The following KLF12 variants were observed in gnomAD, a reference collection of about 807,000 sequenced individuals.
The protein encoded by KLF12 is Krueppel-like factor 12.
Under a neutral mutation model 37.8 loss-of-function variants are expected in KLF12, and 9 were observed. That is an observed-to-expected ratio of 0.24 (90% CI 0.14 to 0.42). KLF12 has a LOEUF of 0.42. KLF12 is among the 10% of genes least tolerant of loss of function. KLF12 has a pLI of 1.00. For missense variants in KLF12, 411 were observed against 516.0 expected (o/e 0.80, Z 1.97); for synonymous variants, 208 against 202.1 (o/e 1.03, Z -0.25).
chr13:73,949,427 A>G (rs930274769), intron 2 of KLF12, among the ~76,000 whole-genome samples: 4 of 152,188 alleles, frequency 2.6e-5, no homozygotes, highest in Admixed American at 2.0e-4. Context: ...AAAGCTATTA[A>G]TATTTTTTTT....
the KLF12 span, among the ~76,000 whole-genome samples, chr13:74,269,173 C>A: frequency 6.6e-6 from 1 of 152,074 alleles, no homozygotes; most frequent in Non-Finnish European, 1.5e-5. Context: ...AGCTTTTGTG[C>A]CGGCTGATGG....
intron 4 of KLF12, among the ~76,000 whole-genome samples, chr13:73,835,297 C>T (rs890269618): frequency 6.6e-6 from 1 of 152,046 alleles, no homozygotes; most frequent in East Asian, 1.9e-4. Flanking sequence ...ACCTAGAGTT[C>T]TCGTGTCTTT....
At chr13:73,838,471 AG>A (rs950562526) in intron 4 of KLF12, among the ~76,000 whole-genome samples, 4 of 152,220 alleles carry the variant, frequency 2.6e-5, no homozygotes, top group African/African-American at 9.6e-5. Context: ...AAATTGGATT[AG>A]TTTCTTAACA....
chr13:73,719,588 C>A (rs527269505), intron 6 of KLF12, among the ~76,000 whole-genome samples: 2 of 151,776 alleles, frequency 1.3e-5, no homozygotes, highest in African/African-American at 4.8e-5. Flanking sequence ...CACACTCCTA[C>A]GCCCATTTCC....
chr13:73,824,832 C>T (rs113386601), intron 4 of KLF12, among the ~76,000 whole-genome samples: 30,259 of 152,074 alleles, frequency 0.2, 3,692 homozygotes, highest in East Asian at 0.47. Flanking sequence ...CTTTGAGAGG[C>T]TGAGGCAGGT....
chr13:74,216,989 T>C, the KLF12 span, among the ~76,000 whole-genome samples: 2 of 152,224 alleles, frequency 1.3e-5, no homozygotes, highest in Non-Finnish European at 2.9e-5. Flanking sequence ...ATTTCTTCCA[T>C]ATCCCCCAGG....
chr13:74,131,129 G>C (rs1878241655), intron 1 of KLF12, among the ~76,000 whole-genome samples: 1 of 152,202 alleles, frequency 6.6e-6, no homozygotes, highest in Non-Finnish European at 1.5e-5. Flanking sequence ...TCTCTGCAGA[G>C]ATAAAACACA....
At chr13:73,943,329 C>T (rs963032095) in intron 3 of KLF12, among the ~76,000 whole-genome samples, 1 of 152,178 alleles carries the variant, frequency 6.6e-6, no homozygotes, top group African/African-American at 2.4e-5. Flanking sequence ...TGCACTTATG[C>T]TCTTAACTAA....
At chr13:73,926,882 T>C (rs757697920) in intron 3 of KLF12, among the ~76,000 whole-genome samples, 1 of 151,824 alleles carries the variant, frequency 6.6e-6, no homozygotes, top group Non-Finnish European at 1.5e-5. Flanking sequence ...ATTCACCCCA[T>C]TTTAGAAGAC....
chr13:74,285,749 G>C, the KLF12 span, among the ~76,000 whole-genome samples: 1 of 152,158 alleles, frequency 6.6e-6, no homozygotes, highest in African/African-American at 2.4e-5. Flanking sequence ...TCTTTCATCT[G>C]TGAAATGGGA....
At chr13:74,134,337 G>A (rs1409430571), upstream of KLF12, among the ~76,000 whole-genome samples, 2 of 151,950 alleles carry the variant, frequency 1.3e-5, no homozygotes, top group Non-Finnish European at 2.9e-5. Flanking sequence ...GCGCTAAGTC[G>A]CTTTATTGCC....
chr13:74,183,913 G>A, the KLF12 span, among the ~76,000 whole-genome samples: 1 of 152,202 alleles, frequency 6.6e-6, no homozygotes, highest in Non-Finnish European at 1.5e-5. Context: ...ACTTCAACCT[G>A]GGTGATAGAG....
chr13:73,895,822 C>CTT (rs201728570), intron 3 of KLF12, among the ~76,000 whole-genome samples: 5 of 144,044 alleles, frequency 3.5e-5, no homozygotes, highest in African/African-American at 1.3e-4. Flanking sequence ...CCATGGAATT[C>CTT]TTTTTTTTTT....
the KLF12 span, among the ~76,000 whole-genome samples, chr13:74,176,650 C>T: frequency 6.6e-6 from 1 of 152,182 alleles, no homozygotes. Flanking sequence ...TGCATTGAGA[C>T]ATTCAGGTGC....
intron 5 of KLF12, among the ~76,000 whole-genome samples, chr13:73,789,937 A>G (rs960955964): frequency 6.6e-6 from 1 of 152,002 alleles, no homozygotes; most frequent in African/African-American, 2.4e-5. Context: ...CGGCCTCCCA[A>G]AGTGCTGGGA....
chr13:74,255,501 T>C, the KLF12 span, among the ~76,000 whole-genome samples: 14 of 152,350 alleles, frequency 9.2e-5, no homozygotes, highest in South Asian at 8.3e-4. Context: ...CAGAATTTCA[T>C]TGAGCTTTCA....
At chr13:74,095,494 T>C (rs1239919327) in intron 1 of KLF12, among the ~76,000 whole-genome samples, 4 of 152,058 alleles carry the variant, frequency 2.6e-5, no homozygotes, top group Non-Finnish European at 4.4e-5. Flanking sequence ...GCTCAAGCGA[T>C]CCTCCCACCT....
chr13:73,752,731 T>TA (rs1211210926), intron 6 of KLF12, among the ~76,000 whole-genome samples: 3,731 of 40,020 alleles, frequency 0.093, 167 homozygotes, highest in African/African-American at 0.37. Context: ...CACATATATA[T>TA]TTTTTTTTTT....
chr13:73,975,435 C>T (rs77190444), intron 2 of KLF12, among the ~76,000 whole-genome samples: 3,094 of 152,232 alleles, frequency 0.02, 92 homozygotes, highest in African/African-American at 0.071. Context: ...TATCTGCCTC[C>T]TAAACATGCT....
Sources: gnomAD v4.1 joint callset for allele counts (sites outside exome capture counted in the v4.1 genomes callset) on GRCh38, gnomAD v4.1.1 for gene constraint, MANE v1.5 for transcripts, NCBI Gene and HGNC (gene_info 2026-07-23, HGNC 2026-07-21) for gene names.